The following SH3RF3 variants were observed in gnomAD, a reference collection of about 807,000 sequenced individuals.
SH3RF3 encodes the protein E3 ubiquitin-protein ligase SH3RF3.
Under a neutral mutation model 66.3 loss-of-function variants are expected in SH3RF3, and 29 were observed. The observed-to-expected ratio is 0.44, with a 90% CI of 0.33 to 0.60. SH3RF3 has a LOEUF of 0.60. Ranked by LOEUF, SH3RF3 falls within the 20% of genes least tolerant of loss-of-function variation. The pLI is 0.04. For synonymous variants in SH3RF3, 583 were observed against 532.0 expected (o/e 1.10, Z -1.32); for missense variants, 1,194 against 1,190.9 (o/e 1.00, Z -0.04).
At chr2:109,200,192 TAAG>T (rs1400316922) in intron 1 of SH3RF3, among the ~76,000 whole-genome samples, 2 of 152,096 alleles carry the variant, frequency 1.3e-5, no homozygotes, top group East Asian at 3.9e-4. Flanking sequence ...GAGAACAGAA[TAAG>T]AAACTCCAGA....
intron 1 of SH3RF3, among the ~76,000 whole-genome samples, chr2:109,342,129 T>A (rs1234744703): frequency 6.6e-6 from 1 of 152,226 alleles, no homozygotes; most frequent in Non-Finnish European, 1.5e-5. Context: ...TCTGTGTCCA[T>A]CTATAACTCT....
intron 7 of SH3RF3, among the ~76,000 whole-genome samples, chr2:109,443,566 TTA>T (rs1677630448): frequency 6.6e-6 from 1 of 152,218 alleles, no homozygotes; most frequent in South Asian, 2.1e-4. Flanking sequence ...TGAGAATAGA[TTA>T]TATGATGCTA....
intron 1 of SH3RF3, among the ~76,000 whole-genome samples, chr2:109,275,866 GT>G (rs1238319485): frequency 6.6e-6 from 1 of 152,136 alleles, no homozygotes; most frequent in African/African-American, 2.4e-5. Flanking sequence ...AGGTCGGTTG[GT>G]TTTTTGAGTC....
intron 5 of SH3RF3, among the ~76,000 whole-genome samples, chr2:109,430,641 A>G (rs1010584715): frequency 6.6e-6 from 1 of 151,694 alleles, no homozygotes; most frequent in Non-Finnish European, 1.5e-5. Flanking sequence ...GTTGTTTGTC[A>G]TTTTCACTGG....
intron 1 of SH3RF3, among the ~76,000 whole-genome samples, chr2:109,163,390 CTTTTTT>C (rs70956302): frequency 4.7e-4 from 33 of 70,264 alleles, no homozygotes; most frequent in Admixed American, 9.1e-4. Context: ...AGCAAATATT[CTTTTTT>C]TTTTTTTTTT....
At chr2:109,219,507 T>C in intron 1 of SH3RF3, among the ~76,000 whole-genome samples, 1 of 151,912 alleles carries the variant, frequency 6.6e-6, no homozygotes, top group Non-Finnish European at 1.5e-5. Context: ...AAAAAAAAAG[T>C]AAAATTATCT....
chr2:109,469,751 A>T (rs545326337), intron 8 of SH3RF3, among the ~76,000 whole-genome samples: 26 of 152,332 alleles, frequency 1.7e-4, no homozygotes, highest in Admixed American at 1.7e-3. Context: ...TTTTTGCTGA[A>T]CAAAAGAACC....
intron 6 of SH3RF3, among the ~76,000 whole-genome samples, chr2:109,433,018 A>T (rs1677285379): frequency 6.6e-6 from 1 of 152,250 alleles, no homozygotes; most frequent in African/African-American, 2.4e-5. Context: ...TTCAGCGTGT[A>T]TGCTATGCGT....
intron 1 of SH3RF3, among the ~76,000 whole-genome samples, chr2:109,130,411 C>G (rs1406372664): frequency 6.6e-6 from 1 of 152,230 alleles, no homozygotes; most frequent in East Asian, 1.9e-4. Context: ...CTTAGCATCG[C>G]CCTTGCGTCT....
intron 1 of SH3RF3, among the ~76,000 whole-genome samples, chr2:109,144,343 A>C (rs1403439435): frequency 6.6e-6 from 1 of 152,246 alleles, no homozygotes; most frequent in Non-Finnish European, 1.5e-5. Flanking sequence ...GGAAATATAA[A>C]TTTAACATGA....
intron 1 of SH3RF3, among the ~76,000 whole-genome samples, chr2:109,267,705 T>A (rs1162472357): frequency 6.6e-6 from 1 of 152,156 alleles, no homozygotes; most frequent in African/African-American, 2.4e-5. Context: ...TTTCCCTTCT[T>A]TTACTCTCCC....
chr2:109,503,812 C>CGTG lies in SH3RF3; in HGVS notation c.*2145_*2147dup, dbSNP rs1679458789. The CGTG allele has an allele frequency of 6.6e-6, 1 of 152,148 alleles. No individual in the cohort carries two copies. Among genetic ancestry groups the CGTG allele is most frequent in the South Asian group, 2.1e-4 (1 of 4,826 alleles). 9.4% of individuals were successfully genotyped at this position (152,148 alleles called of 1,614,324 possible). A position where few individuals can be genotyped will look rare whatever the true frequency, so the allele number is the denominator to read the frequency against. On this transcript the variant is annotated 3_prime_UTR_variant, in exon 10 of 10. Transcript: ENST00000309415. Reference sequence around the variant, plus strand: ...TTCTTACTCTCCCAGGCATGGCCCACGTGGTGCTTCAGGTAGAAATGTGCT... The same window carrying CGTG: ...TTCTTACTCTCCCAGGCATGGCCCACGTGGTGGTGCTTCAGGTAGAAATGTGCT...
chr2:109,159,474 C>T (rs1304340980), intron 1 of SH3RF3, among the ~76,000 whole-genome samples: 1 of 152,224 alleles, frequency 6.6e-6, no homozygotes, highest in Non-Finnish European at 1.5e-5. Context: ...GAAGAATTGG[C>T]TTGTTTTACA....
At position 109,352,730 on chromosome 2, in the gene SH3RF3, C is replaced by G. The variant is rs577225743; in HGVS notation, c.849+4781C>G. ...GATTTCTCCTCCTAGGCTCAGTGCA[C>G]CTGCAGCCACCTCTGTGCACAATGA... On this transcript the variant is annotated intron_variant, in intron 2 of 9. Coordinates refer to ENST00000309415, the MANE Select transcript of SH3RF3 (RefSeq NM_001099289.3). Among the ~76,000 whole-genome samples, 6 of 152,280 alleles carry G rather than the reference C, an allele frequency of 3.9e-5. No individual in the cohort carries two copies. In the South Asian group the frequency reaches 1.2e-3, roughly 32 times the overall value.
At chr2:109,291,985 T>C (rs1681194053) in intron 1 of SH3RF3, among the ~76,000 whole-genome samples, 1 of 152,154 alleles carries the variant, frequency 6.6e-6, no homozygotes, top group Admixed American at 6.5e-5. Flanking sequence ...TGCCTCAGCC[T>C]CTCGAGTAGC....
At chr2:109,248,337 A>G (rs1295665017) in intron 1 of SH3RF3, among the ~76,000 whole-genome samples, 2 of 152,180 alleles carry the variant, frequency 1.3e-5, no homozygotes, top group Non-Finnish European at 2.9e-5. Flanking sequence ...CCATACAGAT[A>G]TTCTTCTTAT....
chr2:109,354,523 G>A (rs1682906233), intron 2 of SH3RF3, among the ~76,000 whole-genome samples: 1 of 152,240 alleles, frequency 6.6e-6, no homozygotes, highest in African/African-American at 2.4e-5. Flanking sequence ...GAAATCTTAG[G>A]CACTGGATGT....
chr2:109,259,251 A>G (rs1409263117), intron 1 of SH3RF3, among the ~76,000 whole-genome samples: 6 of 152,184 alleles, frequency 3.9e-5, no homozygotes, highest in Non-Finnish European at 8.8e-5. Flanking sequence ...CCTGAGGAGC[A>G]CCCAGACCTG....
At chr2:109,254,343 T>C (rs1680168975) in intron 1 of SH3RF3, among the ~76,000 whole-genome samples, 1 of 152,180 alleles carries the variant, frequency 6.6e-6, no homozygotes, top group Admixed American at 6.5e-5. Flanking sequence ...TGTATAATCC[T>C]GTGCAAGTTG....
Sources: allele counts gnomAD v4.1 joint callset (sites outside exome capture counted in the v4.1 genomes callset), GRCh38; gene constraint gnomAD v4.1.1; transcripts MANE v1.5; gene names NCBI Gene and HGNC (gene_info 2026-07-23, HGNC 2026-07-21).